The following ANO1 variants were observed in gnomAD, a reference collection of about 807,000 sequenced individuals.
ANO1 encodes the protein anoctamin-1.
In ANO1, 59 loss-of-function variants were observed where a neutral mutation model predicts 124.0. That is an observed-to-expected ratio of 0.48 (90% CI 0.39 to 0.59). The LOEUF (loss-of-function observed/expected upper bound fraction) is 0.59. Ranked by LOEUF, ANO1 falls within the 20% of genes least tolerant of loss-of-function variation. The pLI is 0.00. For synonymous variants in ANO1, 529 were observed against 532.0 expected (o/e 0.99, Z 0.08); for missense variants, 1,059 against 1,328.0 (o/e 0.80, Z 3.15).
At chr11:70,178,618 C>T (rs1198415207) in intron 22 of ANO1, among the ~76,000 whole-genome samples, 1 of 150,980 alleles carries the variant, frequency 6.6e-6, no homozygotes, top group Non-Finnish European at 1.5e-5. Flanking sequence ...TGCTGGAATG[C>T]AGTGGCGTGA....
intron 1 of ANO1, among the ~76,000 whole-genome samples, chr11:70,029,296 C>T (rs80288738): frequency 5.2e-4 from 79 of 152,356 alleles, no homozygotes; most frequent in African/African-American, 1.8e-3. Flanking sequence ...CAGGCCTGCT[C>T]TGCGCAAAGA....
intron 11 of ANO1, among the ~76,000 whole-genome samples, chr11:70,145,397 T>G (rs1472487577): frequency 6.6e-6 from 1 of 152,210 alleles, no homozygotes; most frequent in Non-Finnish European, 1.5e-5. Flanking sequence ...AGCCTTCCGC[T>G]GCCAATGCTT....
chr11:70,097,500 G>A (rs2045043819), intron 2 of ANO1, among the ~76,000 whole-genome samples: 1 of 152,248 alleles, frequency 6.6e-6, no homozygotes, highest in South Asian at 2.1e-4. Context: ...CCCAGGGACT[G>A]AGAGCATCTC....
chr11:70,159,985 G>A (rs569151237), intron 16 of ANO1, among the ~76,000 whole-genome samples: 3 of 152,032 alleles, frequency 2.0e-5, no homozygotes, highest in Non-Finnish European at 1.5e-5. Flanking sequence ...CGGTGGTAAC[G>A]GCCCAGAACA....
In ANO1 at chr11:70,188,094, C is replaced by T. The variant is rs1016490986; in HGVS notation, c.*90C>T. 1 of 1,436,666 alleles carries T rather than the reference C, an allele frequency of 7.0e-7. No homozygotes were observed. The highest frequency in any genetic ancestry group is 9.2e-7 in the Non-Finnish European group (1 of 1,084,092). The allele number at this position is 1,436,666 out of a possible 1,614,324, so 89.0% of individuals were successfully genotyped here. On this transcript the variant is annotated 3_prime_UTR_variant, in exon 26 of 26. Transcript: ENST00000355303. Reference sequence around the variant, plus strand: ...AGGCGGCTTCCCGCTCCCACCAGGGCCCGGTGGGTCCTGGGTTTTCTGCAA... The same window carrying T: ...AGGCGGCTTCCCGCTCCCACCAGGGTCCGGTGGGTCCTGGGTTTTCTGCAA...
chr11:70,133,167 A>G (rs1031312750), intron 11 of ANO1, among the ~76,000 whole-genome samples: 1 of 152,182 alleles, frequency 6.6e-6, no homozygotes, highest in Non-Finnish European at 1.5e-5. Context: ...TGGGTAGGCA[A>G]GGGGCAAATG....
At chr11:69,998,481 C>T (rs183035647) in intron 1 of ANO1, among the ~76,000 whole-genome samples, 2 of 152,322 alleles carry the variant, frequency 1.3e-5, no homozygotes, top group East Asian at 3.9e-4. Flanking sequence ...ATTGTGTGGG[C>T]GTCCTCATGG....
chr11:70,142,162 A>G (rs1023549605), intron 11 of ANO1, among the ~76,000 whole-genome samples: 3 of 152,240 alleles, frequency 2.0e-5, no homozygotes, highest in Non-Finnish European at 4.4e-5. Context: ...AAATTATAGC[A>G]TAATAATGGG....
intron 11 of ANO1, among the ~76,000 whole-genome samples, chr11:70,148,878 C>T (rs1374053923): frequency 6.6e-6 from 1 of 152,212 alleles, no homozygotes; most frequent in Non-Finnish European, 1.5e-5. Flanking sequence ...GTGGGCAAGA[C>T]AGATGCAGGC....
chr11:70,127,144 C>G (rs1378414270), intron 10 of ANO1, among the ~76,000 whole-genome samples: 1 of 148,530 alleles, frequency 6.7e-6, no homozygotes, highest in Non-Finnish European at 1.5e-5. Context: ...GACGTGAACG[C>G]TAGAGGCTTC....
intron 1 of ANO1, among the ~76,000 whole-genome samples, chr11:70,035,845 C>A (rs1857084907): frequency 6.6e-6 from 1 of 152,246 alleles, no homozygotes; most frequent in South Asian, 2.1e-4. Flanking sequence ...CCCTGCAAAG[C>A]ATATGGACTC....
At chr11:70,156,807 T>G in intron 15 of ANO1, 140 bp from the exon 16 acceptor site, 5 of 692,596 alleles carry the variant, frequency 7.2e-6, no homozygotes, top group Non-Finnish European at 7.4e-6. Context: ...CCTGTGGGCA[T>G]TTTTGAGGTT....
chr11:70,097,648 C>T (rs1479350575), intron 2 of ANO1, among the ~76,000 whole-genome samples: 3 of 152,178 alleles, frequency 2.0e-5, no homozygotes, highest in African/African-American at 7.2e-5. Context: ...TTCCCTGCCC[C>T]CTCGTCCATA....
At chr11:70,123,342 G>C (rs2046371319) in intron 8 of ANO1, among the ~76,000 whole-genome samples, 2 of 152,222 alleles carry the variant, frequency 1.3e-5, no homozygotes, top group Admixed American at 6.5e-5. Flanking sequence ...CACCTGCACT[G>C]TTTCCCCTCC....
At chr11:70,098,701 G>T (rs2045122108) in intron 2 of ANO1, among the ~76,000 whole-genome samples, 1 of 152,160 alleles carries the variant, frequency 6.6e-6, no homozygotes, top group African/African-American at 2.4e-5. Context: ...GCAATTTCGA[G>T]CCCACGCTCC....
At chr11:70,119,359 T>C (rs1185565242) in intron 8 of ANO1, among the ~76,000 whole-genome samples, 1 of 133,056 alleles carries the variant, frequency 7.5e-6, no homozygotes, top group African/African-American at 2.9e-5. Context: ...GATGGGTGGG[T>C]GGATGAATGA....
intron 1 of ANO1, among the ~76,000 whole-genome samples, chr11:70,021,319 C>T (rs56245231): frequency 0.02 from 3,001 of 152,312 alleles, 39 homozygotes; most frequent in African/African-American, 0.037. Flanking sequence ...ACTGACTTGA[C>T]GAACGTTGGT....
intron 1 of ANO1, among the ~76,000 whole-genome samples, chr11:70,055,113 G>A (rs1264340243): frequency 1.3e-5 from 2 of 152,072 alleles, no homozygotes; most frequent in Admixed American, 6.5e-5. Context: ...GTTATCAGAG[G>A]ACAAGATTTC....
At chr11:70,027,998 C>T (rs1856939045) in intron 1 of ANO1, among the ~76,000 whole-genome samples, 1 of 152,074 alleles carries the variant, frequency 6.6e-6, no homozygotes, top group African/African-American at 2.4e-5. Context: ...AAAGTACACC[C>T]GTGGGTTTTT....
Sources: gnomAD v4.1 joint callset for allele counts (sites outside exome capture counted in the v4.1 genomes callset) on GRCh38, gnomAD v4.1.1 for gene constraint, MANE v1.5 for transcripts, NCBI Gene and HGNC (gene_info 2026-07-23, HGNC 2026-07-21) for gene names.